SH3PXD2A: variants seen among roughly 807,000 people sequenced by gnomAD.
The protein encoded by SH3PXD2A is SH3 and PX domain-containing protein 2A.
Under a neutral mutation model 115.2 loss-of-function variants are expected in SH3PXD2A, and 32 were observed. The ratio of observed to expected loss-of-function variants is 0.28; its 90% CI spans 0.21 to 0.37. The LOEUF is 0.37. SH3PXD2A is among the 10% of genes least tolerant of loss of function. The pLI, the probability that SH3PXD2A is intolerant of heterozygous loss-of-function variation, is 1.00. For missense variants in SH3PXD2A, 1,328 were observed against 1,498.7 expected, an observed-to-expected ratio of 0.89 and a Z score of 1.88; for synonymous variants, 610 against 629.1, an observed-to-expected ratio of 0.97 and a Z score of 0.45.
intron 1 of SH3PXD2A, among the ~76,000 whole-genome samples, chr10:103,847,270 C>T (rs964638036): frequency 1.9e-4 from 29 of 151,996 alleles, no homozygotes; most frequent in African/African-American, 7.0e-4. Context: ...TTCAGCCTCC[C>T]GGGTAGCTAG....
intron 3 of SH3PXD2A, among the ~76,000 whole-genome samples, chr10:103,763,756 C>T (rs1039204311): frequency 6.6e-6 from 1 of 152,210 alleles, no homozygotes; most frequent in Non-Finnish European, 1.5e-5. Context: ...TGCCCCCGGC[C>T]ATGAGAGCCA....
chr10:103,839,984 G>A (rs551916213), intron 1 of SH3PXD2A, among the ~76,000 whole-genome samples: 1 of 152,364 alleles, frequency 6.6e-6, no homozygotes, highest in African/African-American at 2.4e-5. Flanking sequence ...GCTCCGTAGG[G>A]CAAAGGTAAA....
intron 13 of SH3PXD2A, among the ~76,000 whole-genome samples, chr10:103,607,617 C>T (rs1426755061): frequency 2.0e-5 from 3 of 152,098 alleles, no homozygotes; most frequent in African/African-American, 4.8e-5. Flanking sequence ...AGTGAGGAGC[C>T]CCTCTGCCCG....
intron 2 of SH3PXD2A, among the ~76,000 whole-genome samples, chr10:103,786,596 G>T (rs889994523): frequency 2.0e-5 from 3 of 152,158 alleles, no homozygotes; most frequent in Non-Finnish European, 4.4e-5. Context: ...GAACCCAGGG[G>T]TGAGGCTGCA....
intron 7 of SH3PXD2A, among the ~76,000 whole-genome samples, chr10:103,662,409 T>A (rs867191806): frequency 1.4e-5 from 2 of 140,072 alleles, no homozygotes; most frequent in Admixed American, 1.4e-4. Flanking sequence ...TTTTTTTTTT[T>A]TGAGACGGAG....
intron 13 of SH3PXD2A, among the ~76,000 whole-genome samples, chr10:103,606,705 C>A (rs915280232): frequency 6.6e-6 from 1 of 152,098 alleles, no homozygotes; most frequent in Non-Finnish European, 1.5e-5. Flanking sequence ...CTGTGTTGGC[C>A]GGGCTGGTCT....
intron 5 of SH3PXD2A, among the ~76,000 whole-genome samples, chr10:103,720,776 C>T (rs548865581): frequency 4.1e-4 from 63 of 152,300 alleles, no homozygotes; most frequent in African/African-American, 1.4e-3. Flanking sequence ...TAGGCTGACA[C>T]GTCGGCAGCC....
intron 11 of SH3PXD2A, among the ~76,000 whole-genome samples, 159 bp from the exon 12 acceptor site, chr10:103,613,349 G>A (rs966353717): frequency 6.6e-6 from 1 of 152,186 alleles, no homozygotes; most frequent in Non-Finnish European, 1.5e-5. Flanking sequence ...GGCACCGAGG[G>A]TAGATGGAAA....
intron 5 of SH3PXD2A, among the ~76,000 whole-genome samples, chr10:103,702,612 T>TGTGTGTGTGTGTGTGTGC (rs1491200444): frequency 1.3e-5 from 2 of 151,474 alleles, no homozygotes; most frequent in African/African-American, 4.9e-5. Flanking sequence ...TGTGTGTGTG[T>TGTGTGTGTGTGTGTGTGC]GCATGCTGGG....
intron 8 of SH3PXD2A, among the ~76,000 whole-genome samples, chr10:103,659,335 G>A (rs919057674): frequency 2.6e-5 from 4 of 152,158 alleles, no homozygotes; most frequent in African/African-American, 7.2e-5. Flanking sequence ...CAGGCGTGGT[G>A]GGAGAACCAT....
intron 3 of SH3PXD2A, among the ~76,000 whole-genome samples, chr10:103,739,207 C>G (rs1474046313): frequency 6.6e-6 from 1 of 152,170 alleles, no homozygotes; most frequent in Non-Finnish European, 1.5e-5. Context: ...AAGCACAGGA[C>G]CCCGCCCTGC....
intron 3 of SH3PXD2A, among the ~76,000 whole-genome samples, chr10:103,763,114 G>A (rs1399446403): frequency 2.6e-5 from 4 of 151,934 alleles, no homozygotes; most frequent in Non-Finnish European, 5.9e-5. Flanking sequence ...CAAGACTTAC[G>A]GCCCATGTGT....
At chr10:103,834,797 C>A (rs2039514833) in intron 1 of SH3PXD2A, among the ~76,000 whole-genome samples, 1 of 152,140 alleles carries the variant, frequency 6.6e-6, no homozygotes, top group African/African-American at 2.4e-5. Context: ...AGTAATTTGC[C>A]CAAAGTCACA....
At chr10:103,625,208 G>C (rs1374998880) in intron 9 of SH3PXD2A, among the ~76,000 whole-genome samples, 1 of 152,194 alleles carries the variant, frequency 6.6e-6, no homozygotes, top group Non-Finnish European at 1.5e-5. Context: ...CCTCTCGTGC[G>C]CTTTCCTGCC....
At chr10:103,732,621 T>A (rs1025764872) in intron 4 of SH3PXD2A, among the ~76,000 whole-genome samples, 4 of 152,238 alleles carry the variant, frequency 2.6e-5, no homozygotes, top group African/African-American at 9.6e-5. Context: ...TTTCCATGTC[T>A]GAGTCCTTGC....
intron 4 of SH3PXD2A, among the ~76,000 whole-genome samples, chr10:103,730,931 C>T (rs2038309104): frequency 2.6e-5 from 4 of 152,118 alleles, no homozygotes; most frequent in Admixed American, 2.6e-4. Flanking sequence ...ATGGAAGGGC[C>T]CACTGCGGAG....
chr10:103,651,897 T>C (rs1410542578), intron 8 of SH3PXD2A, among the ~76,000 whole-genome samples: 1 of 152,160 alleles, frequency 6.6e-6, no homozygotes, highest in African/African-American at 2.4e-5. Context: ...TTCCAGGACA[T>C]GGGGATCCCA....
intron 3 of SH3PXD2A, among the ~76,000 whole-genome samples, chr10:103,761,854 A>G (rs2038702617): frequency 6.6e-6 from 1 of 152,120 alleles, no homozygotes; most frequent in Admixed American, 6.5e-5. Flanking sequence ...ACGGCCCCAT[A>G]GGAAGAATCG....
chr10:103,675,604 C>T (rs1241277005), intron 6 of SH3PXD2A, among the ~76,000 whole-genome samples: 1 of 152,046 alleles, frequency 6.6e-6, no homozygotes, highest in Non-Finnish European at 1.5e-5. Context: ...GCAAATAAGT[C>T]GTAGGGCTGG....
Sources: gnomAD v4.1 joint callset for allele counts (sites outside exome capture counted in the v4.1 genomes callset) on GRCh38, gnomAD v4.1.1 for gene constraint, MANE v1.5 for transcripts, NCBI Gene and HGNC (gene_info 2026-07-23, HGNC 2026-07-21) for gene names.